Variants in EOGT observed in about 807,000 individuals in gnomAD.
The protein encoded by EOGT is EGF domain-specific O-linked N-acetylglucosamine transferase.
A neutral mutation model predicts 70.5 loss-of-function variants in EOGT; 55 were observed. That is an observed-to-expected ratio of 0.78 (90% confidence interval 0.63 to 0.98). The LOEUF (loss-of-function observed/expected upper bound fraction) is 0.98. EOGT is among the 50% of genes least tolerant of loss of function. The pLI is 0.00. For synonymous variants in EOGT, 246 were observed against 217.1 expected, an observed-to-expected ratio of 1.13 and a Z score of -1.17; for missense variants, 703 against 641.9, an observed-to-expected ratio of 1.10 and a Z score of -1.03.
At position 69,007,594 on chromosome 3, in the gene EOGT, G is replaced by A. The variant is rs9818315; in HGVS notation, c.420+119C>T. The stretch of plus-strand genomic sequence containing the variant: ...TTGAACCTGGGAGGCAGAGGTTGCA[G>A]TGAGCTGGGATCGCGCCACTGCACT... On this transcript the variant is annotated intron_variant, in intron 6 of 17. Coordinates refer to ENST00000383701, the MANE Select transcript of EOGT (RefSeq NM_001278689.2). 0.014 allele frequency: 6,093 copies of A among 446,122 alleles called. 337 individuals are homozygous for A. Among genetic ancestry groups the A allele is most frequent in the African/African-American group, 0.12 (5,650 of 45,966 alleles). The allele number at this position is 446,122 out of a possible 1,614,324, so 27.6% of individuals were successfully genotyped here. A position where few individuals can be genotyped will look rare whatever the true frequency, so the allele number is the denominator to read the frequency against.
At chr3:69,003,258 T>C (rs1406253409) in intron 8 of EOGT, among the ~76,000 whole-genome samples, 2 of 152,222 alleles carry the variant, frequency 1.3e-5, no homozygotes, top group Non-Finnish European at 2.9e-5. Context: ...TTATATGAGA[T>C]ATTATCATTA....
intron 9 of EOGT, among the ~76,000 whole-genome samples, chr3:68,998,507 T>A (rs1007826900): frequency 9.9e-5 from 15 of 152,146 alleles, no homozygotes; most frequent in African/African-American, 2.2e-4. Flanking sequence ...AGGGGTGGGG[T>A]CTTGCTATGG....
chr3:69,009,803 G>C lies in EOGT; in HGVS notation c.44C>G (p.Ser15Ter). Residue 15 changes from serine to a stop codon, truncating the protein, a stop_gained, in exon 4 of 18, where the codon TCA becomes TGA. Coordinates refer to ENST00000383701, the MANE Select transcript of EOGT (RefSeq NM_001278689.2). LOFTEE classifies it high-confidence loss of function. The stretch of plus-strand genomic sequence containing the variant: ...AGGAGCTTCATTCTGACCACTCAGT[G>C]AGACTTCATGAAGTAAGACTCCAAA... ...FVFGVLLHEV[S>*]LSGQNEAPPN... is the part of the protein sequence containing the mutation. The C allele has an allele frequency of 6.2e-7, 1 of 1,613,916 alleles. No individual in the cohort carries two copies. The highest frequency in any genetic ancestry group is 8.5e-7 in the Non-Finnish European group (1 of 1,179,970).
intron 10 of EOGT, among the ~76,000 whole-genome samples, chr3:68,989,977 T>G (rs1215640215): frequency 3.3e-5 from 5 of 151,930 alleles, no homozygotes; most frequent in African/African-American, 4.8e-5. Context: ...ATAACATATG[T>G]AATTCTATGA....
intron 9 of EOGT, among the ~76,000 whole-genome samples, chr3:68,999,286 GGA>G (rs2091238087): frequency 6.6e-6 from 1 of 152,210 alleles, no homozygotes; most frequent in Non-Finnish European, 1.5e-5. Context: ...CAGATAGAGT[GGA>G]GAGGGTTGTG....
At chr3:68,997,440 C>T (rs1177022199) in intron 10 of EOGT, among the ~76,000 whole-genome samples, 2 of 151,346 alleles carry the variant, frequency 1.3e-5, no homozygotes, top group Non-Finnish European at 2.9e-5. Flanking sequence ...ACGATCTCGG[C>T]TCAATGCAAC....
chr3:69,012,430 TAA>T (rs1350934372), intron 2 of EOGT, 83 bp downstream of exon 2: 2 of 152,286 alleles, frequency 1.3e-5, no homozygotes, highest in African/African-American at 2.4e-5. Flanking sequence ...TTCCCGGTAA[TAA>T]AGTCATTGTT....
intron 15 of EOGT, chr3:68,982,603 G>C (rs923072009): frequency 7.4e-6 from 3 of 403,498 alleles, no homozygotes; most frequent in South Asian, 1.1e-4. Flanking sequence ...TAAGGAGATG[G>C]AGTGACAACA....
rs538348538 is a variant in EOGT at position 69,002,883 on chromosome 3, GT to G, written c.621-1170del. 1.8e-4 allele frequency among the ~76,000 whole-genome samples: 28 copies of G among 152,106 alleles called. No homozygotes were observed. In the South Asian group the frequency reaches 5.4e-3, roughly 29 times the overall value. The stretch of plus-strand genomic sequence containing the variant: ...AGGTCTCATCATGTTGCTCAGGCTG[GT>G]CTTGAACTCCTGGCTTCAAGTAATA... On this transcript the variant is annotated intron_variant, in intron 8 of 17. Coordinates refer to ENST00000383701, the MANE Select transcript of EOGT (RefSeq NM_001278689.2).
At chr3:69,010,629 T>A (rs1275221440) in intron 3 of EOGT, among the ~76,000 whole-genome samples, 1 of 152,234 alleles carries the variant, frequency 6.6e-6, no homozygotes, top group Non-Finnish European at 1.5e-5. Flanking sequence ...ATTGGTAAAG[T>A]GTTTCGAAAA....
In EOGT at chr3:68,978,394, C is replaced by G. The variant is rs1358956150; in HGVS notation, c.1376G>C (p.Arg459Thr). Residue 459 changes from arginine to threonine, a missense_variant, in exon 17 of 18, where the codon AGG (arginine) becomes ACG (threonine). Physicochemically the swap from Arg to Thr is moderately conservative, Grantham distance 71. Transcript: ENST00000383701. ...AGTGATGTAGTGAACGCCTCTCAGC[C>G]TGGCCAAGTCTAAGTAACAGCGTTC... ...EDERCYLDLA[R>T]LRGVHYITWR... The G allele has an allele frequency of 6.2e-7, 1 of 1,612,712 alleles. No individual in the cohort carries two copies. The highest frequency in any genetic ancestry group is 8.5e-7 in the Non-Finnish European group (1 of 1,179,482).
At chr3:68,987,967 T>G (rs1189989829) in intron 13 of EOGT, 1 of 364,770 alleles carries the variant, frequency 2.7e-6, no homozygotes, top group African/African-American at 2.1e-5. Context: ...CAGGCGGGAG[T>G]GCAGTGACAT....
At chr3:69,011,706 A>G (rs2091583385) in intron 3 of EOGT, among the ~76,000 whole-genome samples, 1 of 152,164 alleles carries the variant, frequency 6.6e-6, no homozygotes, top group African/African-American at 2.4e-5. Flanking sequence ...GGGGACACCA[A>G]AAAGGAATCC....
At chr3:68,979,016 C>T (rs1057347425) in intron 16 of EOGT, among the ~76,000 whole-genome samples, 2 of 152,146 alleles carry the variant, frequency 1.3e-5, no homozygotes, top group Non-Finnish European at 2.9e-5. Flanking sequence ...AAATAGCCTC[C>T]TATTTAAATA....
chr3:68,979,387 T>C (rs534433057), intron 16 of EOGT, among the ~76,000 whole-genome samples: 1 of 152,308 alleles, frequency 6.6e-6, no homozygotes, highest in African/African-American at 2.4e-5. Flanking sequence ...TTGGGAGGTA[T>C]GCAGGAACAA....
At chr3:68,993,032 G>A (rs1308973215) in intron 10 of EOGT, among the ~76,000 whole-genome samples, 1 of 152,162 alleles carries the variant, frequency 6.6e-6, no homozygotes, top group Non-Finnish European at 1.5e-5. Context: ...TCTTCCTCCT[G>A]GGTCTCCAGG....
intron 8 of EOGT, among the ~76,000 whole-genome samples, chr3:69,002,981 T>C (rs1162431131): frequency 6.6e-6 from 1 of 152,182 alleles, no homozygotes; most frequent in Non-Finnish European, 1.5e-5. Context: ...GTATGGACAT[T>C]TGACCTTACA....
Position 68,978,320 on chromosome 3 carries a change from G to A in EOGT, c.1437+13C>T, listed in dbSNP as rs1284880623. On this transcript the variant is annotated intron_variant, in intron 17 of 17. Transcript: ENST00000383701. ...AAAAATGAAGCAAGGTAAGTTTTGT[G>A]ATTGAACTTTACCTTATCCTGAGGA... 88 of 1,587,402 alleles carry A rather than the reference G, an allele frequency of 5.5e-5. No individual in the cohort carries two copies. Among genetic ancestry groups the A allele is most frequent in the Non-Finnish European group, 7.5e-5 (87 of 1,160,214 alleles).
intron 10 of EOGT, among the ~76,000 whole-genome samples, chr3:68,997,371 CTTTT>C (rs796115630): frequency 7.1e-6 from 1 of 141,486 alleles, no homozygotes; most frequent in Non-Finnish European, 1.5e-5. Context: ...GAATGACAGC[CTTTT>C]TTTTTTTTTT....
Sources: allele counts gnomAD v4.1 joint callset (sites outside exome capture counted in the v4.1 genomes callset), GRCh38; gene constraint gnomAD v4.1.1; transcripts MANE v1.5; gene names NCBI Gene and HGNC (gene_info 2026-07-23, HGNC 2026-07-21).